The following CABLES1 variants were observed in gnomAD, a reference collection of about 807,000 sequenced individuals.
CABLES1 encodes Cdk5 and Abl enzyme substrate 1.
In CABLES1, 36 loss-of-function variants were observed where a neutral mutation model predicts 57.8. The observed-to-expected ratio is 0.62, with a 90% CI of 0.48 to 0.82. The LOEUF is 0.82. CABLES1 is among the 40% of genes least tolerant of loss of function. The pLI is 0.00. For synonymous variants in CABLES1, 374 were observed against 363.0 expected, an observed-to-expected ratio of 1.03 and a Z score of -0.35; for missense variants, 767 against 836.6, an observed-to-expected ratio of 0.92 and a Z score of 1.03.
At chr18:23,177,478 C>G (rs1462159370) in intron 1 of CABLES1, among the ~76,000 whole-genome samples, 1 of 151,682 alleles carries the variant, frequency 6.6e-6, no homozygotes, top group Non-Finnish European at 1.5e-5. Context: ...TGATACCAGC[C>G]CCAGCCCCGC....
At chr18:23,155,421 C>T (rs1293408118) in intron 1 of CABLES1, among the ~76,000 whole-genome samples, 2 of 152,120 alleles carry the variant, frequency 1.3e-5, no homozygotes, top group African/African-American at 2.4e-5. Context: ...TTTTTGTTTT[C>T]AAAGGGAAAA....
chr18:23,174,731 CA>C (rs1315261717), intron 1 of CABLES1, among the ~76,000 whole-genome samples: 1 of 150,268 alleles, frequency 6.7e-6, no homozygotes, highest in African/African-American at 2.5e-5. Context: ...CTTGGCCTCC[CA>C]AAGTGCTGGG....
chr18:23,166,241 G>A (rs952028703), intron 1 of CABLES1, among the ~76,000 whole-genome samples: 5 of 146,354 alleles, frequency 3.4e-5, no homozygotes, highest in Non-Finnish European at 7.5e-5. Context: ...CACTCTCGTT[G>A]CCCAGGCTGG....
At chr18:23,242,678 C>T (rs1444228614) in intron 7 of CABLES1, among the ~76,000 whole-genome samples, 1 of 151,798 alleles carries the variant, frequency 6.6e-6, no homozygotes, top group East Asian at 1.9e-4. Context: ...ATCCCTCTTG[C>T]ACTGTGTTCA....
intron 2 of CABLES1, among the ~76,000 whole-genome samples, chr18:23,193,220 C>G (rs1040615957): frequency 6.8e-6 from 1 of 148,112 alleles, no homozygotes; most frequent in Non-Finnish European, 1.5e-5. Context: ...CAGACTGTGT[C>G]TCACTCTGTC....
At chr18:23,145,184 G>C (rs1481006303) in intron 1 of CABLES1, among the ~76,000 whole-genome samples, 1 of 152,128 alleles carries the variant, frequency 6.6e-6, no homozygotes, top group Non-Finnish European at 1.5e-5. Flanking sequence ...TGATCTGCCT[G>C]CTTTGGCCTT....
At position 23,135,730 on chromosome 18, in the gene CABLES1, G is replaced by A. The variant is rs2046813408; in HGVS notation, c.-33G>A. On this transcript the variant is annotated 5_prime_UTR_variant, in exon 1 of 10. Transcript: ENST00000256925. ...CGCTCGGGCGCCGCTCGCTTCTCCGGGCATCGCGGAAATCCCGCCGCAGAC... is the reference window on the plus strand; with the variant it reads ...CGCTCGGGCGCCGCTCGCTTCTCCGAGCATCGCGGAAATCCCGCCGCAGAC... 3 of 986,992 alleles carry A rather than the reference G, an allele frequency of 3.0e-6. No individual in the cohort carries two copies. The highest frequency in any genetic ancestry group is 1.8e-5 in the African/African-American group (1 of 56,826). 61.1% of individuals were successfully genotyped at this position (986,992 alleles called of 1,614,324 possible).
chr18:23,186,130 G>T (rs950166540), intron 1 of CABLES1, among the ~76,000 whole-genome samples: 1 of 152,198 alleles, frequency 6.6e-6, no homozygotes, highest in African/African-American at 2.4e-5. Context: ...GTGGGCTCAG[G>T]CACAAGGCAT....
intron 3 of CABLES1, among the ~76,000 whole-genome samples, chr18:23,205,803 G>A (rs1329961393): frequency 6.6e-6 from 1 of 152,148 alleles, no homozygotes; most frequent in East Asian, 1.9e-4. Context: ...AGGCAGCAGT[G>A]AGCTAAGATC....
intron 7 of CABLES1, among the ~76,000 whole-genome samples, chr18:23,247,343 G>A (rs559241270): frequency 6.6e-6 from 1 of 152,254 alleles, no homozygotes; most frequent in Admixed American, 6.5e-5. Flanking sequence ...TGCCTGGAAA[G>A]GGTGGCCCTG....
At chr18:23,180,140 C>T (rs1393942992) in intron 1 of CABLES1, among the ~76,000 whole-genome samples, 1 of 152,088 alleles carries the variant, frequency 6.6e-6, no homozygotes, top group Non-Finnish European at 1.5e-5. Flanking sequence ...CCAGGATGGT[C>T]TCGATCTCCT....
At chr18:23,240,733 G>A (rs1485720810) in intron 7 of CABLES1, among the ~76,000 whole-genome samples, 1 of 152,254 alleles carries the variant, frequency 6.6e-6, no homozygotes, top group Non-Finnish European at 1.5e-5. Flanking sequence ...CCCCAGGGCA[G>A]TCCAATGTGG....
chr18:23,135,727 C>T lies in CABLES1; in HGVS notation c.-36C>T. On this transcript the variant is annotated 5_prime_UTR_variant, in exon 1 of 10. Transcript: ENST00000256925. Reference sequence around the variant, plus strand: ...TAGCGCTCGGGCGCCGCTCGCTTCTCCGGGCATCGCGGAAATCCCGCCGCA... The same window carrying T: ...TAGCGCTCGGGCGCCGCTCGCTTCTTCGGGCATCGCGGAAATCCCGCCGCA... 1.0e-6 allele frequency: 1 copy of T among 986,622 alleles called. No homozygotes were observed. The highest frequency in any genetic ancestry group is 1.2e-6 in the Non-Finnish European group (1 of 832,300). The allele number at this position is 986,622 out of a possible 1,614,324, so 61.1% of individuals were successfully genotyped here.
chr18:23,172,108 G>A (rs547152951), intron 1 of CABLES1, among the ~76,000 whole-genome samples: 1 of 152,266 alleles, frequency 6.6e-6, no homozygotes, highest in East Asian at 1.9e-4. Context: ...ATTTTTTGTA[G>A]AGGTGGGATT....
chr18:23,200,640 G>A (rs1181582156), intron 3 of CABLES1, among the ~76,000 whole-genome samples: 3 of 152,196 alleles, frequency 2.0e-5, no homozygotes, highest in African/African-American at 4.8e-5. Flanking sequence ...GACGGTTTGT[G>A]TGGAGGTTGC....
chr18:23,136,873 C>T (rs2046826646), intron 1 of CABLES1, among the ~76,000 whole-genome samples: 1 of 152,232 alleles, frequency 6.6e-6, no homozygotes, highest in Non-Finnish European at 1.5e-5. Flanking sequence ...TTGGGAGTTG[C>T]AGGAGCCCAG....
intron 1 of CABLES1, among the ~76,000 whole-genome samples, chr18:23,180,539 C>T (rs991243229): frequency 6.6e-6 from 1 of 152,090 alleles, no homozygotes; most frequent in Non-Finnish European, 1.5e-5. Context: ...TTTGTAGAGA[C>T]AGGGTCTCAC....
At chr18:23,219,098 AG>A (rs2047466737) in intron 4 of CABLES1, 5 of 441,020 alleles carry the variant, frequency 1.1e-5, no homozygotes, top group Non-Finnish European at 1.8e-5. Context: ...GTGGAGGTTT[AG>A]GGGCTACCAT....
chr18:23,163,601 A>G (rs1313325286), intron 1 of CABLES1, among the ~76,000 whole-genome samples: 1 of 152,048 alleles, frequency 6.6e-6, no homozygotes, highest in Non-Finnish European at 1.5e-5. Flanking sequence ...AGGAGAGAGA[A>G]GAAAGGATGA....
Sources: gnomAD v4.1 joint callset for allele counts (sites outside exome capture counted in the v4.1 genomes callset) on GRCh38, gnomAD v4.1.1 for gene constraint, MANE v1.5 for transcripts, NCBI Gene and HGNC (gene_info 2026-07-23, HGNC 2026-07-21) for gene names.